The following DYNLRB2 variants were observed in gnomAD, a reference collection of about 807,000 sequenced individuals.
The protein encoded by DYNLRB2 is bithoraxoid-like protein.
DYNLRB2 carries 14 observed loss-of-function variants against 12.6 expected under a neutral mutation model. That is an observed-to-expected ratio of 1.11 (90% CI 0.73 to 1.73). The LOEUF (loss-of-function observed/expected upper bound fraction) is 1.73. DYNLRB2 is among the 40% of genes most tolerant of loss of function. The pLI, the probability that DYNLRB2 is intolerant of heterozygous loss-of-function variation, is 0.00. For synonymous variants in DYNLRB2, 53 were observed against 37.0 expected, an observed-to-expected ratio of 1.43 and a Z score of -1.57; for missense variants, 142 against 117.7, an observed-to-expected ratio of 1.21 and a Z score of -0.95.
rs562825881 is a variant in DYNLRB2 at position 80,542,481 on chromosome 16, G to T, written c.4-795G>T. On this transcript the variant is annotated intron_variant, in intron 1 of 3. Coordinates refer to ENST00000305904, the MANE Select transcript of DYNLRB2 (RefSeq NM_130897.3). ...CACCTGTGCAATACTGAGGAAAAAA[G>T]AATATAGCAAACCCTCATCAAGAGA... Among the ~76,000 whole-genome samples, 6 of 152,244 alleles carry T rather than the reference G, an allele frequency of 3.9e-5. No individual in the cohort carries two copies. The South Asian group carries it at 1.2e-3, about 32-fold the overall frequency.
At chr16:80,546,931 G>C (rs530757110) in intron 2 of DYNLRB2, among the ~76,000 whole-genome samples, 3 of 152,210 alleles carry the variant, frequency 2.0e-5, no homozygotes, top group Admixed American at 6.5e-5. Context: ...ATATTGTAAA[G>C]TAGTGCCATC....
In DYNLRB2 at chr16:80,548,613, T is replaced by G. The variant is rs1229155635; in HGVS notation, c.80-871T>G. Among the ~76,000 whole-genome samples the G allele has an allele frequency of 2.6e-5, 4 of 151,440 alleles. 1 individual carries two copies. The Middle Eastern group carries it at 0.01, about 386-fold the overall frequency. On this transcript the variant is annotated intron_variant, in intron 2 of 3. Transcript: ENST00000305904. ...GGTGGGTTCCTCTAATCTCAGCTACTCGGGAAACTGAGGCAGGAGAATTGC... is the reference window on the plus strand; with the variant it reads ...GGTGGGTTCCTCTAATCTCAGCTACGCGGGAAACTGAGGCAGGAGAATTGC...
At chr16:80,545,178 A>T (rs1904371636) in intron 2 of DYNLRB2, among the ~76,000 whole-genome samples, 1 of 152,174 alleles carries the variant, frequency 6.6e-6, no homozygotes, top group Non-Finnish European at 1.5e-5. Context: ...AAGGTCTGAA[A>T]AATATTCACC....
At chr16:80,549,152 G>A (rs1904675904) in intron 2 of DYNLRB2, 3 of 378,064 alleles carry the variant, frequency 7.9e-6, no homozygotes, top group African/African-American at 2.1e-5. Flanking sequence ...CCAAACAATA[G>A]GAGATTGATT....
At chr16:80,545,628 G>A (rs558050272) in intron 2 of DYNLRB2, among the ~76,000 whole-genome samples, 4 of 141,014 alleles carry the variant, frequency 2.8e-5, no homozygotes, top group South Asian at 2.3e-4. Context: ...TCTCTTATCC[G>A]AAGGCAACAA....
intron 1 of DYNLRB2, chr16:80,541,475 C>T: frequency 1.2e-6 from 1 of 815,376 alleles, no homozygotes; most frequent in Non-Finnish European, 1.5e-6. Flanking sequence ...AGAGGTGGGA[C>T]AGGGAAAGCA....
intron 1 of DYNLRB2, chr16:80,541,442 A>T (rs1483349066): frequency 2.1e-6 from 2 of 969,854 alleles, no homozygotes; most frequent in Non-Finnish European, 2.5e-6. Flanking sequence ...GAGGAAAAAA[A>T]ATCAGACCCT....
intron 3 of DYNLRB2, among the ~76,000 whole-genome samples, chr16:80,550,158 A>G (rs1904750821): frequency 6.6e-6 from 1 of 152,264 alleles, no homozygotes. Flanking sequence ...AAACTAATCT[A>G]GAACAAACCT....
At chr16:80,549,462 C>G in intron 2 of DYNLRB2, 22 bp from the exon 3 acceptor site, 1 of 1,555,562 alleles carries the variant, frequency 6.4e-7, no homozygotes, top group Non-Finnish European at 8.7e-7. Flanking sequence ...AAAATATTAA[C>G]CAAAATTAAA....
At chr16:80,540,901 G>A (rs769604176), upstream of DYNLRB2, 9 of 1,163,928 alleles carry the variant, frequency 7.7e-6, no homozygotes, top group African/African-American at 1.5e-5. Flanking sequence ...TACGGCGGCC[G>A]GGAGGCATCA....
At position 80,541,145 on chromosome 16, in the gene DYNLRB2, C is replaced by G. The variant is rs934128029; in HGVS notation, c.3+66C>G. 198 of 1,559,676 alleles carry G rather than the reference C, an allele frequency of 1.3e-4. No homozygotes were observed. The East Asian group carries it at 3.8e-3, about 30-fold the overall frequency. ...ACGCCGACCGTCAAGGACCTTCGCA[C>G]CCAGCTTCTGGGGCCCACCCAGGCA... On this transcript the variant is annotated intron_variant, in intron 1 of 3. Coordinates refer to ENST00000305904, the MANE Select transcript of DYNLRB2 (RefSeq NM_130897.3).
chr16:80,548,586 G>A (rs1194152151), intron 2 of DYNLRB2, among the ~76,000 whole-genome samples: 2 of 152,048 alleles, frequency 1.3e-5, no homozygotes, highest in Non-Finnish European at 2.9e-5. Context: ...GCCGGGCGTG[G>A]TGGTGGGTTC....
At position 80,543,309 on chromosome 16, in the gene DYNLRB2, A is replaced by G. The variant is rs749780318; in HGVS notation, c.37A>G (p.Ser13Gly). The change falls in exon 2 of 4, where the codon AGT becomes GGT. Residue 13 changes from serine to glycine, a missense_variant. Coordinates refer to ENST00000305904, the MANE Select transcript of DYNLRB2 (RefSeq NM_130897.3). Reference sequence around the variant, plus strand: ...GGAGGAAACCTTAAAGAGGATCCAGAGTCATAAAGGGGTTATTGGAACTAT... The same window carrying G: ...GGAGGAAACCTTAAAGAGGATCCAGGGTCATAAAGGGGTTATTGGAACTAT... ...EVEETLKRIQ[S>G]HKGVIGTMVV... 1.2e-6 allele frequency: 2 copies of G among 1,614,080 alleles called. No homozygotes were observed. The highest frequency in any genetic ancestry group is 1.7e-6 in the Non-Finnish European group (2 of 1,179,940).
At chr16:80,548,876 G>C (rs576249533) in intron 2 of DYNLRB2, 136 of 454,046 alleles carry the variant, frequency 3.0e-4, no homozygotes, top group African/African-American at 2.5e-3. Context: ...GAAATACTGT[G>C]TGAGGAGTCC....
chr16:80,541,116 A>T (rs1267476418), intron 1 of DYNLRB2, 37 bp downstream of exon 1: 1 of 1,603,924 alleles, frequency 6.2e-7, no homozygotes. Context: ...CCGCCGTTCC[A>T]AGCACGCCGA....
rs146088582 is a variant in DYNLRB2, at chr16:80,549,596, C to A, written c.192C>A (p.Asn64Lys). The change falls in exon 3 of 4, where the codon AAC becomes AAA. Residue 64 changes from asparagine (N) to lysine (K), a missense_variant. Transcript: ENST00000305904. ...CAGTTCGTGATATTGATCCTCAGAACGACCTGACTTTTCTTAGGATCAGAT... is the reference window on the plus strand; with the variant it reads ...CAGTTCGTGATATTGATCCTCAGAAAGACCTGACTTTTCTTAGGATCAGAT... ...KSTVRDIDPQ[N>K]DLTFLRIRSK... The A allele has an allele frequency of 2.5e-6, 4 of 1,612,574 alleles. No homozygotes were observed. Among genetic ancestry groups the A allele is most frequent in the Admixed American group, 1.7e-5 (1 of 59,986 alleles).
chr16:80,549,989 G>C (rs1032625478), intron 3 of DYNLRB2, among the ~76,000 whole-genome samples: 1 of 152,182 alleles, frequency 6.6e-6, no homozygotes, highest in South Asian at 2.1e-4. Context: ...GGATAAAGTA[G>C]GCAGTGAACC....
At chr16:80,541,830 T>C (rs1023222378) in intron 1 of DYNLRB2, among the ~76,000 whole-genome samples, 2 of 152,214 alleles carry the variant, frequency 1.3e-5, no homozygotes, top group African/African-American at 4.8e-5. Context: ...GGACATCGTC[T>C]TAAAGATTGC....
intron 3 of DYNLRB2, 62 bp downstream of exon 3, chr16:80,549,713 G>C (rs1359819599): frequency 4.7e-6 from 7 of 1,485,970 alleles, no homozygotes; most frequent in Non-Finnish European, 5.5e-6. Flanking sequence ...TAAAAGCCTT[G>C]TTTCTATGAA....
Sources: allele counts gnomAD v4.1 joint callset (sites outside exome capture counted in the v4.1 genomes callset), GRCh38; gene constraint gnomAD v4.1.1; transcripts MANE v1.5; gene names NCBI Gene and HGNC (gene_info 2026-07-23, HGNC 2026-07-21).